GRHPR: variants seen among roughly 807,000 people sequenced by gnomAD.
GRHPR encodes glyoxylate reductase/hydroxypyruvate reductase.
Under a neutral mutation model 36.8 loss-of-function variants are expected in GRHPR, and 35 were observed. The observed-to-expected ratio is 0.95, with a 90% CI of 0.73 to 1.26. The LOEUF (loss-of-function observed/expected upper bound fraction) is 1.26. Among genes scored for constraint, GRHPR ranks in the 50% most tolerant of loss-of-function variants. The pLI is 0.00. For missense variants in GRHPR, 380 were observed against 435.0 expected (o/e 0.87, Z 1.12); for synonymous variants, 179 against 181.0 (o/e 0.99, Z 0.09).
intron 1 of GRHPR, among the ~76,000 whole-genome samples, chr9:37,423,614 A>G (rs992052021): frequency 3.3e-5 from 5 of 151,924 alleles, no homozygotes; most frequent in African/African-American, 1.2e-4. Flanking sequence ...TGGGACTACT[A>G]CAGGCATGCA....
intron 2 of GRHPR, 37 bp downstream of exon 2, chr9:37,425,012 T>G: frequency 6.2e-7 from 1 of 1,601,928 alleles, no homozygotes; most frequent in South Asian, 1.1e-5. Context: ...GAGGGTGGCT[T>G]GGCCCTGTGG....
At chr9:37,422,605 G>A (rs139839633), upstream of GRHPR, 639 of 694,938 alleles carry the variant, frequency 9.2e-4, 5 homozygotes, top group African/African-American at 0.01. Context: ...GCCGCAACCC[G>A]GCGCTCCCTC....
chr9:37,434,552 C>T (rs1024206785), intron 8 of GRHPR: 3 of 332,828 alleles, frequency 9.0e-6, no homozygotes, highest in African/African-American at 2.1e-5. Context: ...CCCACTGAGG[C>T]CACTGCAACC....
In GRHPR at chr9:37,436,775, A is replaced by C. The variant is rs1823684220; in HGVS notation, c.980A>C (p.Lys327Thr). The C allele has an allele frequency of 1.9e-6, 3 of 1,613,926 alleles. No homozygotes were observed. Among genetic ancestry groups the C allele is most frequent in the African/African-American group, 2.7e-5 (2 of 74,904 alleles). Residue 327 changes from lysine to threonine, a missense_variant, in exon 9 of 9, where the codon AAG becomes ACG. Lys to Thr is a moderately conservative substitution (Grantham distance 78). Transcript: ENST00000318158. ...GGGGAGCCGATGCCTAGTGAACTCA[A>C]GCTGTAGCCAAACAGTAGAGATGGA... ...LRGEPMPSEL[K>T]L
In GRHPR at chr9:37,422,819, C is replaced by T. The variant is rs1348088134; in HGVS notation, c.69C>T (p.Leu23=). ...TACCCGCCGAGGGTAGGGTCGCGCTCGCCCGGGCGGCAGAGTAAGAGCCTC... is the reference window on the plus strand; with the variant it reads ...TACCCGCCGAGGGTAGGGTCGCGCTTGCCCGGGCGGCAGAGTAAGAGCCTC... ...RRIPAEGRVA[L]ARAADCEVEQ... Residue 23 remains leucine (L), a synonymous_variant, in exon 1 of 9, where the codon CTC becomes CTT. Transcript: ENST00000318158. 5.0e-6 allele frequency: 8 copies of T among 1,598,820 alleles called. No individual in the cohort carries two copies. The highest frequency in any genetic ancestry group is 1.1e-5 in the South Asian group (1 of 88,886).
chr9:37,438,855 G>C (rs927247505), downstream of GRHPR: 2 of 152,192 alleles, frequency 1.3e-5, no homozygotes, highest in Non-Finnish European at 2.9e-5. Flanking sequence ...AGGAATCGTG[G>C]GTTTCCCTTT....
intron 8 of GRHPR, among the ~76,000 whole-genome samples, chr9:37,436,295 A>G (rs1564305111): frequency 6.6e-6 from 1 of 152,178 alleles, no homozygotes; most frequent in Non-Finnish European, 1.5e-5. Context: ...TTTTTTGTAG[A>G]GACGGGGTTT....
intron 7 of GRHPR, chr9:37,431,197 C>T (rs1231974674): frequency 2.7e-6 from 1 of 367,990 alleles, no homozygotes; most frequent in Non-Finnish European, 5.5e-6. Context: ...CTAGCTGGTG[C>T]CCCTTGAGCC....
Position 37,432,128 on chromosome 9 carries a change from G to A in GRHPR, c.855G>A (p.Leu285=), listed in dbSNP as rs553861073. 2 of 1,614,016 alleles carry A rather than the reference G, an allele frequency of 1.2e-6. No individual in the cohort carries two copies. Among genetic ancestry groups the A allele is most frequent in the South Asian group, 1.1e-5 (1 of 91,084 alleles). ...PLPTNHPLLT[L]KNCVILPHIG... ...CTACAAACCACCCTCTCCTGACCCT[G>A]AAGAACTGTGGTAAGAACTGCACTT... Residue 285 remains leucine, a synonymous_variant, in exon 8 of 9, where the codon CTG becomes CTA. Coordinates refer to ENST00000318158, the MANE Select transcript of GRHPR (RefSeq NM_012203.2).
downstream of GRHPR, among the ~76,000 whole-genome samples, chr9:37,437,632 A>G (rs1335766387): frequency 6.6e-6 from 1 of 151,958 alleles, no homozygotes; most frequent in African/African-American, 2.4e-5. Context: ...GCACCTACAC[A>G]TATTGTTCCC....
intron 6 of GRHPR, 28 bp from the exon 7 acceptor site, chr9:37,430,483 T>G (rs1249903222): frequency 6.2e-7 from 1 of 1,608,276 alleles, no homozygotes; most frequent in Non-Finnish European, 8.5e-7. Context: ...TGGGACTCAG[T>G]GCCTGATGGA....
intron 5 of GRHPR, 123 bp downstream of exon 5, chr9:37,428,695 G>A (rs1411740843): frequency 2.7e-6 from 2 of 746,078 alleles, no homozygotes; most frequent in Admixed American, 1.9e-5. Context: ...TTGCAGTAGA[G>A]ATATCTCTAA....
chr9:37,434,424 A>T (rs1420801687), intron 8 of GRHPR: 2 of 551,818 alleles, frequency 3.6e-6, no homozygotes, highest in Non-Finnish European at 6.5e-6. Context: ...AAGGGGTCAG[A>T]CTGTGTAGAC....
chr9:37,433,414 A>C (rs1823473165), intron 8 of GRHPR, among the ~76,000 whole-genome samples: 1 of 151,864 alleles, frequency 6.6e-6, no homozygotes. Flanking sequence ...TTGTATTTTT[A>C]GTAGAGATGG....
rs571957909 is a variant in GRHPR, at chr9:37,436,392, G to T, written c.866-269G>T. Among the ~76,000 whole-genome samples the T allele has an allele frequency of 1.8e-3, 269 of 152,300 alleles. 1 individual carries two copies. Among genetic ancestry groups the T allele is most frequent in the African/African-American group, 6.3e-3 (262 of 41,564 alleles). On this transcript the variant is annotated intron_variant, in intron 8 of 8. Coordinates refer to ENST00000318158, the MANE Select transcript of GRHPR (RefSeq NM_012203.2). ...CTCAAAGTGCTGGGATTACAGGCAT[G>T]AGCCACTGCGCCCAGCCCTAGAATA...
At chr9:37,434,492 G>A (rs1823539460) in intron 8 of GRHPR, 1 of 531,600 alleles carries the variant, frequency 1.9e-6, no homozygotes, top group African/African-American at 1.9e-5. Flanking sequence ...CCCCAAGAAG[G>A]TGAGGCAGAG....
chr9:37,425,939 A>G lies in GRHPR; in HGVS notation c.232A>G (p.Ile78Val). 1 of 1,613,704 alleles carries G rather than the reference A, an allele frequency of 6.2e-7. No individual in the cohort carries two copies. Among genetic ancestry groups the G allele is most frequent in the Non-Finnish European group, 8.5e-7 (1 of 1,179,576 alleles). ...LDAAGANLKV[I>V]STMSVGIDHL... is the part of the protein sequence containing the mutation. ...CACAACAGGGGCCAATCTCAAAGTC[A>G]TCAGCACCATGTCTGTGGGCATCGA... Residue 78 changes from isoleucine (I) to valine (V), a missense_variant, in exon 3 of 9, where the codon ATC (isoleucine) becomes GTC (valine). Ile to Val is a conservative substitution (Grantham distance 29, BLOSUM62 3). Coordinates refer to ENST00000318158, the MANE Select transcript of GRHPR (RefSeq NM_012203.2).
chr9:37,423,101 A>G (rs1822914227), intron 1 of GRHPR, among the ~76,000 whole-genome samples: 1 of 151,726 alleles, frequency 6.6e-6, no homozygotes, highest in African/African-American at 2.4e-5. Flanking sequence ...CATGGCGGTC[A>G]CTGACCAGGC....
In GRHPR at chr9:37,426,060, G is replaced by A. The variant is rs1036251423; in HGVS notation, c.287+66G>A. On this transcript the variant is annotated intron_variant, in intron 3 of 8. Transcript: ENST00000318158. ...GGTGGCTATGAGAGAAAGAAGAGCT[G>A]TTGATTTGTTTTTACTGCATATCCC... 31 of 1,111,558 alleles carry A rather than the reference G, an allele frequency of 2.8e-5. 1 individual carries two copies. Among genetic ancestry groups the A allele is most frequent in the Non-Finnish European group, 4.2e-5 (30 of 721,434 alleles). 68.9% of individuals were successfully genotyped at this position (1,111,558 alleles called of 1,614,324 possible).
Sources: allele counts gnomAD v4.1 joint callset (sites outside exome capture counted in the v4.1 genomes callset), GRCh38; gene constraint gnomAD v4.1.1; transcripts MANE v1.5; gene names NCBI Gene and HGNC (gene_info 2026-07-23, HGNC 2026-07-21).